The following TRIM9 variants were observed in gnomAD, a reference collection of about 807,000 sequenced individuals.
TRIM9 encodes E3 ubiquitin-protein ligase TRIM9.
A neutral mutation model predicts 78.3 loss-of-function variants in TRIM9; 26 were observed. The observed-to-expected ratio is 0.33, with a 90% CI of 0.24 to 0.46. The LOEUF is 0.46. Ranked by LOEUF, TRIM9 falls within the 20% of genes least tolerant of loss-of-function variation. TRIM9 has a pLI of 1.00. For synonymous variants in TRIM9, 398 were observed against 416.5 expected (o/e 0.96, Z 0.54); for missense variants, 787 against 1,036.4 (o/e 0.76, Z 3.30).
intron 1 of TRIM9, among the ~76,000 whole-genome samples, chr14:51,052,464 T>A (rs1204724838): frequency 6.6e-6 from 1 of 152,208 alleles, no homozygotes; most frequent in Non-Finnish European, 1.5e-5. Context: ...CTGGAGTTAT[T>A]TATTTTTGGC....
intron 1 of TRIM9, among the ~76,000 whole-genome samples, chr14:51,080,188 T>A (rs1384484798): frequency 6.6e-6 from 1 of 151,476 alleles, no homozygotes; most frequent in Non-Finnish European, 1.5e-5. Context: ...AATAGATTGA[T>A]CTTTGGGGCA....
At chr14:51,033,613 C>T (rs189659481) in intron 1 of TRIM9, among the ~76,000 whole-genome samples, 6 of 152,264 alleles carry the variant, frequency 3.9e-5, no homozygotes, top group Admixed American at 3.9e-4. Flanking sequence ...CCCTTGTCAT[C>T]CTTGGCCATA....
At chr14:51,093,171 T>C (rs938261622) in intron 1 of TRIM9, among the ~76,000 whole-genome samples, 7 of 152,172 alleles carry the variant, frequency 4.6e-5, no homozygotes. Context: ...TGGAGGGTTT[T>C]GAGCAGAGGA....
chr14:51,027,050 G>A (rs2058297590), intron 1 of TRIM9, among the ~76,000 whole-genome samples: 1 of 151,052 alleles, frequency 6.6e-6, no homozygotes, highest in Admixed American at 6.6e-5. Flanking sequence ...CATTGCATAA[G>A]ATACTATATC....
chr14:51,070,135 G>A (rs1461658127), intron 1 of TRIM9, among the ~76,000 whole-genome samples: 4 of 152,222 alleles, frequency 2.6e-5, no homozygotes, highest in African/African-American at 9.6e-5. Flanking sequence ...CTGTTTAAAT[G>A]GCCCCAAACA....
intron 1 of TRIM9, among the ~76,000 whole-genome samples, chr14:51,036,364 C>T (rs1255476403): frequency 6.6e-5 from 10 of 151,980 alleles, no homozygotes; most frequent in Non-Finnish European, 1.3e-4. Flanking sequence ...TTGTCTGACT[C>T]GCCTTATTTT....
intron 1 of TRIM9, among the ~76,000 whole-genome samples, chr14:51,079,710 A>C (rs1392588270): frequency 1.3e-5 from 2 of 152,166 alleles, no homozygotes; most frequent in Non-Finnish European, 2.9e-5. Context: ...TGGGCAAGTC[A>C]ATGTCAGGCT....
chr14:51,053,286 CTTAA>C (rs1218821692), intron 1 of TRIM9, among the ~76,000 whole-genome samples: 2 of 151,296 alleles, frequency 1.3e-5, no homozygotes, highest in Admixed American at 6.6e-5. Flanking sequence ...TTATGAAATA[CTTAA>C]TTAATGATAA....
chr14:51,014,218 CT>C (rs998507139), intron 3 of TRIM9, among the ~76,000 whole-genome samples: 1 of 152,102 alleles, frequency 6.6e-6, no homozygotes, highest in African/African-American at 2.4e-5. Context: ...TATAAATTTC[CT>C]TATCAAGCAT....
At position 50,986,032 on chromosome 14, in the gene TRIM9, C is replaced by T; in HGVS notation, c.1716G>A (p.Gly572=). Residue 572 remains glycine, a synonymous_variant, in exon 8 of 13, where the codon GGG becomes GGA. Coordinates refer to ENST00000684578, the MANE Select transcript of TRIM9 (RefSeq NM_001387360.1). ...STLNLQPSFP[G]RSYFDFRSSP... ...AGGATCGGAAATCAAAGTAGGATCT[C>T]CCGGGGAAGCTGGGTTGTAGATTAA... The T allele has an allele frequency of 6.5e-7, 1 of 1,549,534 alleles. No homozygotes were observed. The highest frequency in any genetic ancestry group is 8.7e-7 in the Non-Finnish European group (1 of 1,146,490).
At chr14:51,064,179 T>C (rs4479142) in intron 1 of TRIM9, among the ~76,000 whole-genome samples, 57,070 of 151,928 alleles carry the variant, frequency 0.38, 11,025 homozygotes, top group Middle Eastern at 0.42. Context: ...ACATAGACTG[T>C]GTATATTGAC....
At chr14:51,001,345 T>G in intron 5 of TRIM9, among the ~76,000 whole-genome samples, 1 of 151,084 alleles carries the variant, frequency 6.6e-6, no homozygotes. Flanking sequence ...TTCTCCTGCC[T>G]CAGCCTCCGG....
intron 12 of TRIM9, among the ~76,000 whole-genome samples, chr14:50,978,145 G>A (rs1271156431): frequency 6.6e-6 from 1 of 152,142 alleles, no homozygotes; most frequent in Non-Finnish European, 1.5e-5. Context: ...CCATCTCCTT[G>A]CAGGGAGAAG....
At chr14:51,037,670 C>T (rs973638544) in intron 1 of TRIM9, among the ~76,000 whole-genome samples, 1 of 151,596 alleles carries the variant, frequency 6.6e-6, no homozygotes, top group Non-Finnish European at 1.5e-5. Flanking sequence ...AAATTTATAA[C>T]TTAATACTGG....
chr14:51,094,723 C>G lies in TRIM9; in HGVS notation c.217G>C (p.Glu73Gln). ...TAGGAGCCATAGCCGCTGTCCGCCTCGCTGTATAGGCTCATCTTGTCCAGG... is the reference window on the plus strand; with the variant it reads ...TAGGAGCCATAGCCGCTGTCCGCCTGGCTGTATAGGCTCATCTTGTCCAGG... ...LDLDKMSLYSEADSGYGSYGG... is the reference protein window; with the variant it reads ...LDLDKMSLYSQADSGYGSYGG... The change falls in exon 1 of 13, where the codon GAG (glutamate) becomes CAG (glutamine). Residue 73 changes from glutamate to glutamine, a missense_variant. By Grantham distance (29) the Glu-to-Gln change is conservative. This residue lies in a region of TRIM9 where 352 missense variants were observed against 472.3 expected (regional missense o/e 0.75). Coordinates refer to ENST00000684578, the MANE Select transcript of TRIM9 (RefSeq NM_001387360.1). 6.4e-7 allele frequency: 1 copy of G among 1,554,428 alleles called. No individual in the cohort carries two copies. Among genetic ancestry groups the G allele is most frequent in the Non-Finnish European group, 8.7e-7 (1 of 1,150,056 alleles).
intron 6 of TRIM9, among the ~76,000 whole-genome samples, chr14:50,998,755 A>G (rs528401425): frequency 2.6e-5 from 4 of 152,336 alleles, no homozygotes; most frequent in Admixed American, 6.5e-5. Context: ...GGGGGAGGAA[A>G]CAGGGAAAGG....
intron 7 of TRIM9, among the ~76,000 whole-genome samples, chr14:50,992,382 G>T (rs934123343): frequency 6.6e-6 from 1 of 151,758 alleles, no homozygotes; most frequent in Non-Finnish European, 1.5e-5. Context: ...GTTTGAGACC[G>T]GGCTGGGCAA....
At chr14:51,009,967 G>T (rs935500886) in intron 4 of TRIM9, among the ~76,000 whole-genome samples, 5 of 152,148 alleles carry the variant, frequency 3.3e-5, no homozygotes, top group African/African-American at 9.7e-5. Context: ...AAGGTGTCAA[G>T]AAGGTAGACA....
At chr14:50,996,746 TA>T in intron 7 of TRIM9, 1 of 985,432 alleles carries the variant, frequency 1.0e-6, no homozygotes, top group South Asian at 4.7e-5. Flanking sequence ...GAGAAGGTGC[TA>T]AAATGATAAT....
Sources: allele counts gnomAD v4.1 joint callset (sites outside exome capture counted in the v4.1 genomes callset), GRCh38; gene constraint gnomAD v4.1.1; regional missense constraint gnomAD v4.1.1; transcripts MANE v1.5; gene names NCBI Gene and HGNC (gene_info 2026-07-23, HGNC 2026-07-21).